Variants in QPCTL observed in about 807,000 individuals in gnomAD.
The protein encoded by QPCTL is glutaminyl-peptide cyclotransferase like.
Under a neutral mutation model 34.6 loss-of-function variants are expected in QPCTL, and 31 were observed. The observed-to-expected ratio is 0.90, with a 90% confidence interval of 0.67 to 1.21. The LOEUF (loss-of-function observed/expected upper bound fraction) is 1.21, where lower values mean the gene tolerates loss of function less well. Among genes scored for constraint, QPCTL ranks in the 50% most tolerant of loss-of-function variants. QPCTL has a pLI of 0.00. For missense variants in QPCTL, 474 were observed against 507.8 expected, an observed-to-expected ratio of 0.93 and a Z score of 0.64; for synonymous variants, 223 against 226.9, an observed-to-expected ratio of 0.98 and a Z score of 0.15.
intron 2 of QPCTL, among the ~76,000 whole-genome samples, chr19:45,694,086 G>T (rs989649548): frequency 1.3e-5 from 2 of 152,182 alleles, no homozygotes; most frequent in African/African-American, 4.8e-5. Context: ...AAAGCATGAA[G>T]AGTCATTTAA....
intron 2 of QPCTL, among the ~76,000 whole-genome samples, chr19:45,694,744 C>T (rs928943634): frequency 1.3e-5 from 2 of 151,980 alleles, no homozygotes; most frequent in African/African-American, 2.4e-5. Context: ...GCTGGGATTA[C>T]AGGCGTGAGC....
intron 3 of QPCTL, among the ~76,000 whole-genome samples, chr19:45,697,105 G>T (rs1385444844): frequency 6.6e-6 from 1 of 151,564 alleles, no homozygotes; most frequent in African/African-American, 2.4e-5. Flanking sequence ...GGATGACAGA[G>T]CGAGATTCTG....
At chr19:45,701,250 A>G (rs1182799632) in intron 5 of QPCTL, among the ~76,000 whole-genome samples, 1 of 150,846 alleles carries the variant, frequency 6.6e-6, no homozygotes, top group Admixed American at 6.6e-5. Flanking sequence ...GTCCCACTGC[A>G]CTCCAGTGTG....
intron 4 of QPCTL, 28 bp downstream of exon 4, chr19:45,698,727 C>A (rs749608359): frequency 1.2e-6 from 2 of 1,613,632 alleles, no homozygotes; most frequent in Non-Finnish European, 1.7e-6. Flanking sequence ...TGGCTTCTGG[C>A]GAGGGAGGGA....
chr19:45,703,223 C>G lies in QPCTL; in HGVS notation c.*174C>G, dbSNP rs1372339444. On this transcript the variant is annotated 3_prime_UTR_variant, in exon 7 of 7. Transcript: ENST00000012049. Reference sequence around the variant, plus strand: ...TTCTTTTGATTGTCTCAAGCTGCCACCCTTCAAGGACAGGGAAGAGACCAC... The same window carrying G: ...TTCTTTTGATTGTCTCAAGCTGCCAGCCTTCAAGGACAGGGAAGAGACCAC... 8.2e-6 allele frequency: 7 copies of G among 852,094 alleles called. No individual in the cohort carries two copies. The highest frequency in any genetic ancestry group is 1.2e-5 in the Non-Finnish European group (7 of 560,800). The allele number at this position is 852,094 out of a possible 1,614,324, so 52.8% of individuals were successfully genotyped here. A position where few individuals can be genotyped will look rare whatever the true frequency, so the allele number is the denominator to read the frequency against.
chr19:45,698,125 C>T (rs767776859), intron 3 of QPCTL, among the ~76,000 whole-genome samples: 2 of 151,938 alleles, frequency 1.3e-5, no homozygotes, highest in Non-Finnish European at 2.9e-5. Context: ...AACCTGTGGT[C>T]ACAGCTGTAT....
chr19:45,699,029 ATCT>A, intron 5 of QPCTL, 129 bp downstream of exon 5: 3 of 508,446 alleles, frequency 5.9e-6, no homozygotes, highest in Non-Finnish European at 9.4e-6. Flanking sequence ...GGGAGACCCC[ATCT>A]TTTTTTTTTT....
intron 6 of QPCTL, among the ~76,000 whole-genome samples, chr19:45,702,399 G>C (rs377660291): frequency 6.6e-6 from 1 of 151,754 alleles, no homozygotes; most frequent in East Asian, 1.9e-4. Context: ...GGAAGTCAAG[G>C]CTGCAGTAAG....
intron 5 of QPCTL, among the ~76,000 whole-genome samples, chr19:45,700,334 A>C (rs1364121043): frequency 1.3e-5 from 2 of 150,780 alleles, no homozygotes; most frequent in Non-Finnish European, 3.0e-5. Context: ...AGTCCTAGCT[A>C]CTCCGGAGGC....
chr19:45,701,378 C>T (rs555887664), intron 5 of QPCTL, among the ~76,000 whole-genome samples: 259 of 151,952 alleles, frequency 1.7e-3, no homozygotes, highest in South Asian at 6.0e-3. Flanking sequence ...CAGGTTCAAG[C>T]AATTCTCCTG....
chr19:45,698,699 T>A lies in QPCTL; in HGVS notation c.786T>A (p.Ile262=). Residue 262 remains isoleucine (I), a splice_region_variant and synonymous_variant, in exon 4 of 7, where the codon ATT becomes ATA. Coordinates refer to ENST00000012049, the MANE Select transcript of QPCTL (RefSeq NM_017659.4). Reference sequence around the variant, plus strand: ...CCGGCCCCACCAGGATCCAGGCTATTGTAAGACCAGGGTCCCCTGGCTTCT... The same window carrying A: ...CCGGCCCCACCAGGATCCAGGCTATAGTAAGACCAGGGTCCCCTGGCTTCT... ...HSPGPTRIQA[I]ELFMLLDLLG... is the part of the protein sequence containing the mutation. 1 of 1,614,112 alleles carries A rather than the reference T, an allele frequency of 6.2e-7. No individual in the cohort carries two copies. The highest frequency in any genetic ancestry group is 1.1e-5 in the South Asian group (1 of 91,082).
Position 45,695,553 on chromosome 19 carries a change from C to T in QPCTL, c.468C>T (p.Asp156=). The T allele has an allele frequency of 6.2e-7, 1 of 1,614,140 alleles. No individual in the cohort carries two copies. The highest frequency in any genetic ancestry group is 8.5e-7 in the Non-Finnish European group (1 of 1,180,038). The change falls in exon 3 of 7, where the codon GAC becomes GAT. Residue 156 remains aspartate, a synonymous_variant. Coordinates refer to ENST00000012049, the MANE Select transcript of QPCTL (RefSeq NM_017659.4). Reference sequence around the variant, plus strand: ...TTGGCAATGTGGTGGCCACACTGGACCCAAGGGCTGCCCGTCACCTCACCC... The same window carrying T: ...TTGGCAATGTGGTGGCCACACTGGATCCAAGGGCTGCCCGTCACCTCACCC... ...VDFGNVVATL[D]PRAARHLTLA...
chr19:45,695,747 G>A, intron 3 of QPCTL, 29 bp downstream of exon 3: 2 of 1,553,662 alleles, frequency 1.3e-6, no homozygotes, highest in South Asian at 1.2e-5. Context: ...GGAGGGTAGT[G>A]GGCTACCTCC....
At chr19:45,695,020 C>T (rs1485438476) in intron 2 of QPCTL, among the ~76,000 whole-genome samples, 1 of 152,066 alleles carries the variant, frequency 6.6e-6, no homozygotes, top group Non-Finnish European at 1.5e-5. Context: ...CACAGTGGCT[C>T]ACATCTGTAA....
chr19:45,695,426 C>A lies in QPCTL; in HGVS notation c.352-11C>A. ...TCCCCGTCCACCCTCCCACCTCTCT[C>A]TTGCCGCTAGTTCCTGGAGGCCACG... On this transcript the variant is annotated splice_polypyrimidine_tract_variant and intron_variant, in intron 2 of 6. Transcript: ENST00000012049. 6.2e-7 allele frequency: 1 copy of A among 1,600,232 alleles called. No individual in the cohort carries two copies. The highest frequency in any genetic ancestry group is 8.5e-7 in the Non-Finnish European group (1 of 1,170,740).
chr19:45,693,682 C>G, intron 2 of QPCTL, 126 bp downstream of exon 2: 1 of 1,323,680 alleles, frequency 7.6e-7, no homozygotes. Context: ...TAATCGGACT[C>G]TAGACTCCAT....
At chr19:45,702,655 C>A (rs1315762258) in intron 6 of QPCTL, among the ~76,000 whole-genome samples, 1 of 151,482 alleles carries the variant, frequency 6.6e-6, no homozygotes, top group African/African-American at 2.4e-5. Flanking sequence ...TCCCAGCTAC[C>A]CGGGAGGCTA....
chr19:45,695,546 C>T lies in QPCTL; in HGVS notation c.461C>T (p.Thr154Ile). 1 of 1,614,166 alleles carries T rather than the reference C, an allele frequency of 6.2e-7. No individual in the cohort carries two copies. The highest frequency in any genetic ancestry group is 8.5e-7 in the Non-Finnish European group (1 of 1,180,032). Residue 154 changes from threonine to isoleucine, a missense_variant, in exon 3 of 7, where the codon ACA becomes ATA. By Grantham distance (89) the Thr-to-Ile change is moderately conservative. Coordinates refer to ENST00000012049, the MANE Select transcript of QPCTL (RefSeq NM_017659.4). ...GTGGACTTTGGCAATGTGGTGGCCA[C>T]ACTGGACCCAAGGGCTGCCCGTCAC... The part of the protein sequence containing the change: ...GPVDFGNVVA[T>I]LDPRAARHLT...
Position 45,703,114 on chromosome 19 carries a change from C to G in QPCTL, c.*65C>G. 6.3e-7 allele frequency: 1 copy of G among 1,592,702 alleles called. No homozygotes were observed. The highest frequency in any genetic ancestry group is 8.6e-7 in the Non-Finnish European group (1 of 1,162,412). ...AAGGTCCCAGCGGGGGCCAGTGAAG[C>G]TCAGGCAGGATCTGCCTAGGGTGTG... On this transcript the variant is annotated 3_prime_UTR_variant, in exon 7 of 7. Coordinates refer to ENST00000012049, the MANE Select transcript of QPCTL (RefSeq NM_017659.4).
Sources: gnomAD v4.1 joint callset for allele counts (sites outside exome capture counted in the v4.1 genomes callset) on GRCh38, gnomAD v4.1.1 for gene constraint, MANE v1.5 for transcripts, NCBI Gene and HGNC (gene_info 2026-07-23, HGNC 2026-07-21) for gene names.